Variants in USP45 observed in about 807,000 individuals in gnomAD.
USP45 encodes the protein ubiquitin specific peptidase 45, also known as ubiquitin carboxyl-terminal hydrolase 45.
A neutral mutation model predicts 95.8 loss-of-function variants in USP45; 89 were observed. That is an observed-to-expected ratio of 0.93 (90% CI 0.78 to 1.11). USP45 has a LOEUF of 1.11. USP45 is among the 50% of genes least tolerant of loss of function. The pLI is 0.00. For missense variants in USP45, 898 were observed against 942.5 expected (o/e 0.95, Z 0.62); for synonymous variants, 281 against 316.2 (o/e 0.89, Z 1.18).
At chr6:99,447,865 G>A (rs1488622458) in intron 13 of USP45, among the ~76,000 whole-genome samples, 3 of 152,198 alleles carry the variant, frequency 2.0e-5, no homozygotes, top group Admixed American at 1.3e-4. Context: ...GGAACGATCA[G>A]GTAGCAACAT....
intron 9 of USP45, among the ~76,000 whole-genome samples, chr6:99,472,017 C>A (rs1789516763): frequency 6.6e-6 from 1 of 152,194 alleles, no homozygotes; most frequent in African/African-American, 2.4e-5. Context: ...ATGTGTCCTG[C>A]TGGGCTGCCT....
chr6:99,501,979 C>G, intron 5 of USP45: 1 of 1,303,096 alleles, frequency 7.7e-7, no homozygotes, highest in Admixed American at 2.3e-5. Context: ...ACAGTTTATG[C>G]TGAAGAGATG....
At position 99,482,830 on chromosome 6, in the gene USP45, G is replaced by A. The variant is rs1562391264; in HGVS notation, c.768C>T (p.Phe256=). The A allele has an allele frequency of 6.2e-7, 1 of 1,606,304 alleles. No individual in the cohort carries two copies. The highest frequency in any genetic ancestry group is 2.2e-5 in the East Asian group (1 of 44,634). ...SRPGPLTSAL[F]LFLHSMKETE... is the part of the protein sequence containing the mutation. ...TCTCCTTCATGCTGTGAAGAAACAG[G>A]AACAAGGCTGAGGTCAGTGGTCCAG... Residue 256 remains phenylalanine, a synonymous_variant, in exon 8 of 18, where the codon TTC becomes TTT. Transcript: ENST00000500704.
At chr6:99,456,124 C>A in intron 13 of USP45, among the ~76,000 whole-genome samples, 1 of 100,036 alleles carries the variant, frequency 1.0e-5, no homozygotes. Context: ...CAGAGCGAGA[C>A]TCTGTCTCGG....
chr6:99,495,160 T>C (rs562206356), intron 5 of USP45, among the ~76,000 whole-genome samples: 1 of 152,338 alleles, frequency 6.6e-6, no homozygotes, highest in East Asian at 1.9e-4. Context: ...CAAGCTTTCT[T>C]GAGGGCAGTT....
intron 5 of USP45, among the ~76,000 whole-genome samples, chr6:99,500,218 G>A (rs995372944): frequency 2.0e-5 from 3 of 151,374 alleles, no homozygotes; most frequent in Admixed American, 6.6e-5. Context: ...TCCGCCTCCC[G>A]GGTTCAAACA....
At chr6:99,449,670 G>C (rs1783413536) in intron 13 of USP45, among the ~76,000 whole-genome samples, 1 of 152,166 alleles carries the variant, frequency 6.6e-6, no homozygotes, top group Non-Finnish European at 1.5e-5. Flanking sequence ...ACTCAGCTCT[G>C]CATCAAGTGG....
Position 99,446,237 on chromosome 6 carries a change from C to G in USP45, c.1535G>C (p.Ser512Thr). The change falls in exon 14 of 18, where the codon AGT (serine) becomes ACT (threonine). Residue 512 changes from serine to threonine, a missense_variant. Physicochemically the swap from Ser to Thr is moderately conservative, Grantham distance 58. Coordinates refer to ENST00000500704, the MANE Select transcript of USP45 (RefSeq NM_001346022.3). Reference sequence around the variant, plus strand: ...GAACAGCCCAGTCTGCTTTGAAGCACTTTCAGATTCTGAAGGCTCACTGTC... The same window carrying G: ...GAACAGCCCAGTCTGCTTTGAAGCAGTTTCAGATTCTGAAGGCTCACTGTC... ...DADSEPSESE[S>T]ASKQTGLFRS... The G allele has an allele frequency of 3.1e-6, 5 of 1,614,134 alleles. No individual in the cohort carries two copies. Among genetic ancestry groups the G allele is most frequent in the Non-Finnish European group, 1.7e-6 (2 of 1,179,986 alleles).
intron 15 of USP45, among the ~76,000 whole-genome samples, chr6:99,440,694 T>C (rs990182701): frequency 1.3e-5 from 2 of 151,066 alleles, no homozygotes; most frequent in African/African-American, 4.9e-5. Context: ...CAAAAAACCC[T>C]TTTTTTTTGC....
intron 9 of USP45, among the ~76,000 whole-genome samples, chr6:99,475,583 T>A (rs1790624175): frequency 6.6e-6 from 1 of 151,978 alleles, no homozygotes; most frequent in African/African-American, 2.4e-5. Flanking sequence ...TCCAAAGTGT[T>A]GGGATTACAG....
chr6:99,487,327 T>C (rs1401176061), intron 7 of USP45, among the ~76,000 whole-genome samples: 1 of 152,188 alleles, frequency 6.6e-6, no homozygotes, highest in African/African-American at 2.4e-5. Flanking sequence ...CTTTGTCTTA[T>C]TTCATCGTAG....
In USP45 at chr6:99,472,949, C is replaced by T. The variant is rs563385457; in HGVS notation, c.933+3194G>A. On this transcript the variant is annotated intron_variant, in intron 9 of 17. Transcript: ENST00000500704. ...GAAGCTCAACTCTAAGTATCAGTTCCTAGCTCTAAGAAAATGTGATCAAAT... is the reference window on the plus strand; with the variant it reads ...GAAGCTCAACTCTAAGTATCAGTTCTTAGCTCTAAGAAAATGTGATCAAAT... Among the ~76,000 whole-genome samples, 19 of 152,194 alleles carry T rather than the reference C, an allele frequency of 1.2e-4. No homozygotes were observed. In the South Asian group the frequency reaches 3.5e-3, roughly 28 times the overall value.
At chr6:99,460,337 A>T (rs1280545269) in intron 13 of USP45, among the ~76,000 whole-genome samples, 1 of 152,202 alleles carries the variant, frequency 6.6e-6, no homozygotes, top group South Asian at 2.1e-4. Flanking sequence ...GTTTAAAAAT[A>T]TAAGAAATGA....
At chr6:99,510,276 A>G (rs986881301) in intron 1 of USP45, 46 bp from the exon 2 acceptor site, 27 of 1,387,668 alleles carry the variant, frequency 1.9e-5, no homozygotes, top group Admixed American at 4.0e-5. Flanking sequence ...AGTCTTCAAA[A>G]TTAAAATTTT....
At chr6:99,459,964 CTTT>C (rs982084046) in intron 13 of USP45, among the ~76,000 whole-genome samples, 1 of 152,054 alleles carries the variant, frequency 6.6e-6, no homozygotes, top group Non-Finnish European at 1.5e-5. Context: ...TTGGGTAGTG[CTTT>C]TTTTGCCTCA....
Position 99,461,141 on chromosome 6 carries a change from T to C in USP45, c.1308+3463A>G, listed in dbSNP as rs544428368. Reference sequence around the variant, plus strand: ...ATCTTTCATAAAACTAATATACTTATGTGTTGAAGCAACTCAGAGAACTGA... The same window carrying C: ...ATCTTTCATAAAACTAATATACTTACGTGTTGAAGCAACTCAGAGAACTGA... On this transcript the variant is annotated intron_variant, in intron 13 of 17. Coordinates refer to ENST00000500704, the MANE Select transcript of USP45 (RefSeq NM_001346022.3). The C allele has an allele frequency of 1.6e-5, 16 of 983,886 alleles. No homozygotes were observed. The East Asian group carries it at 6.8e-4, about 42-fold the overall frequency. 60.9% of individuals were successfully genotyped at this position (983,886 alleles called of 1,614,324 possible). A position where few individuals can be genotyped will look rare whatever the true frequency, so the allele number is the denominator to read the frequency against.
At chr6:99,456,302 A>G (rs1785079699) in intron 13 of USP45, among the ~76,000 whole-genome samples, 1 of 144,738 alleles carries the variant, frequency 6.9e-6, no homozygotes, top group Non-Finnish European at 1.5e-5. Flanking sequence ...GTTCCATAGA[A>G]CAGTATGGTA....
At chr6:99,442,200 C>T (rs945101678) in intron 15 of USP45, among the ~76,000 whole-genome samples, 12 of 152,190 alleles carry the variant, frequency 7.9e-5, no homozygotes, top group African/African-American at 1.2e-4. Flanking sequence ...AAAATAACTG[C>T]GGTGCATCAT....
At chr6:99,478,554 T>C (rs926571303) in intron 8 of USP45, among the ~76,000 whole-genome samples, 1 of 152,136 alleles carries the variant, frequency 6.6e-6, no homozygotes, top group African/African-American at 2.4e-5. Flanking sequence ...TTTAATCCAC[T>C]TCTATGTTCA....
Sources: gnomAD v4.1 joint callset for allele counts (sites outside exome capture counted in the v4.1 genomes callset) on GRCh38, gnomAD v4.1.1 for gene constraint, MANE v1.5 for transcripts, NCBI Gene and HGNC (gene_info 2026-07-23, HGNC 2026-07-21) for gene names.